MAN2A1: variants seen among roughly 807,000 people sequenced by gnomAD.
The protein encoded by MAN2A1 is alpha-mannosidase 2.
A neutral mutation model predicts 142.6 loss-of-function variants in MAN2A1; 76 were observed. The observed-to-expected ratio is 0.53, with a 90% CI of 0.44 to 0.65. MAN2A1 has a LOEUF of 0.65. Ranked by LOEUF, MAN2A1 falls within the 30% of genes least tolerant of loss-of-function variation. MAN2A1 has a pLI of 0.00. For missense variants in MAN2A1, 1,311 were observed against 1,365.1 expected, an observed-to-expected ratio of 0.96 and a Z score of 0.62; for synonymous variants, 559 against 473.2, an observed-to-expected ratio of 1.18 and a Z score of -2.35.
chr5:109,851,553 G>C (rs1172711279), intron 19 of MAN2A1, among the ~76,000 whole-genome samples: 3 of 152,152 alleles, frequency 2.0e-5, no homozygotes, highest in African/African-American at 7.2e-5. Context: ...AATGCAGCAA[G>C]AAGGCCCTCA....
intron 4 of MAN2A1, among the ~76,000 whole-genome samples, chr5:109,753,327 A>G (rs538949663): frequency 6.6e-6 from 1 of 152,318 alleles, no homozygotes; most frequent in African/African-American, 2.4e-5. Flanking sequence ...GCATAGGTCT[A>G]TTGACAGTAA....
At position 109,867,199 on chromosome 5, in the gene MAN2A1, T is replaced by C. The variant is rs1755909771; in HGVS notation, c.*201T>C. 2.6e-6 allele frequency: 1 copy of C among 378,024 alleles called. No individual in the cohort carries two copies. Among genetic ancestry groups the C allele is most frequent in the Non-Finnish European group, 4.7e-6 (1 of 213,736 alleles). 23.4% of individuals were successfully genotyped at this position (378,024 alleles called of 1,614,324 possible). ...AAAAAGCCATGCTATCAATCAAGAT[T>C]CTTTTTTTTTAAACTTTCTCCCATG... On this transcript the variant is annotated 3_prime_UTR_variant, in exon 22 of 22. Transcript: ENST00000261483.
rs867326835 is a variant in MAN2A1, at chr5:109,764,028, T to C, written c.836-3507T>C. ...GTTGGTCAGGCTGGTCTCGAACTCC[T>C]GACCTCAGGTGATCCACCCACCTCT... On this transcript the variant is annotated intron_variant, in intron 5 of 21. Transcript: ENST00000261483. Among the ~76,000 whole-genome samples the C allele has an allele frequency of 1.2e-4, 18 of 152,260 alleles. No individual in the cohort carries two copies. The South Asian group carries it at 3.7e-3, about 32-fold the overall frequency.
At chr5:109,799,613 G>T (rs1463268393) in intron 12 of MAN2A1, among the ~76,000 whole-genome samples, 2 of 151,894 alleles carry the variant, frequency 1.3e-5, no homozygotes, top group Admixed American at 1.3e-4. Flanking sequence ...AATTAGCTGC[G>T]CATGGTGGCG....
intron 18 of MAN2A1, among the ~76,000 whole-genome samples, 164 bp from the exon 19 acceptor site, chr5:109,847,493 T>C (rs1364402530): frequency 6.6e-6 from 1 of 152,198 alleles, no homozygotes; most frequent in Non-Finnish European, 1.5e-5. Context: ...TTTGAGCTAC[T>C]ATCAAGAGAA....
chr5:109,711,516 C>T (rs1194683894), intron 1 of MAN2A1, among the ~76,000 whole-genome samples: 1 of 152,146 alleles, frequency 6.6e-6, no homozygotes, highest in Non-Finnish European at 1.5e-5. Flanking sequence ...GATCCCCTTT[C>T]GTCTTTTCAT....
At chr5:109,732,731 C>T (rs1168316590) in intron 4 of MAN2A1, among the ~76,000 whole-genome samples, 5 of 152,166 alleles carry the variant, frequency 3.3e-5, no homozygotes, top group East Asian at 3.9e-4. Flanking sequence ...TATCTCTGTT[C>T]TGGTACCAGT....
chr5:109,858,849 A>G (rs1755688429), intron 20 of MAN2A1, among the ~76,000 whole-genome samples: 1 of 152,204 alleles, frequency 6.6e-6, no homozygotes, highest in Non-Finnish European at 1.5e-5. Flanking sequence ...CTCCTGGGAT[A>G]AGGGGTTATA....
intron 1 of MAN2A1, among the ~76,000 whole-genome samples, chr5:109,702,455 G>A (rs902383122): frequency 1.3e-5 from 2 of 151,944 alleles, no homozygotes; most frequent in African/African-American, 4.8e-5. Flanking sequence ...AAGTTTGAAA[G>A]TTGTTCTGAA....
intron 12 of MAN2A1, among the ~76,000 whole-genome samples, chr5:109,792,661 G>C (rs1753764440): frequency 1.3e-5 from 2 of 152,244 alleles, no homozygotes; most frequent in Admixed American, 1.3e-4. Flanking sequence ...CTGCTGGTCA[G>C]TTCTTGCTTG....
chr5:109,751,248 A>G (rs1296827160), intron 4 of MAN2A1, among the ~76,000 whole-genome samples: 2 of 151,600 alleles, frequency 1.3e-5, no homozygotes, highest in Non-Finnish European at 2.9e-5. Flanking sequence ...AGAACATAGG[A>G]TATTTGTCTT....
chr5:109,818,209 C>T (rs1189593656), intron 13 of MAN2A1, among the ~76,000 whole-genome samples: 2 of 152,016 alleles, frequency 1.3e-5, no homozygotes, highest in Non-Finnish European at 2.9e-5. Context: ...GGCGCGATCT[C>T]GGCGCACCGC....
intron 5 of MAN2A1, among the ~76,000 whole-genome samples, chr5:109,766,602 T>C (rs896822372): frequency 6.6e-6 from 1 of 152,150 alleles, no homozygotes; most frequent in African/African-American, 2.4e-5. Context: ...TGACAGCCTC[T>C]GCAAACTAGA....
rs1004147342 is a variant in MAN2A1 at position 109,774,965 on chromosome 5, G to A, written c.1374G>A (p.Lys458=). Residue 458 remains lysine (K), a splice_region_variant and synonymous_variant, in exon 8 of 22, where the codon AAG becomes AAA. Transcript: ENST00000261483. ...YMNSQSKFKV[K]IQFGTLSDFF... Reference sequence around the variant, plus strand: ...ATTCTCAGTCCAAGTTTAAAGTTAAGGTAAGGAGAAAATATTTATGATTCC... The same window carrying A: ...ATTCTCAGTCCAAGTTTAAAGTTAAAGTAAGGAGAAAATATTTATGATTCC... 2 of 1,574,690 alleles carry A rather than the reference G, an allele frequency of 1.3e-6. No homozygotes were observed. Among genetic ancestry groups the A allele is most frequent in the Admixed American group, 1.8e-5 (1 of 55,802 alleles).
chr5:109,691,930 T>C (rs1023607878), intron 1 of MAN2A1, among the ~76,000 whole-genome samples: 5 of 152,230 alleles, frequency 3.3e-5, no homozygotes, highest in Admixed American at 2.6e-4. Flanking sequence ...TAGCTTGATA[T>C]GTTGTGTAAT....
chr5:109,798,724 C>T (rs975538337), intron 12 of MAN2A1, among the ~76,000 whole-genome samples: 2 of 152,104 alleles, frequency 1.3e-5, no homozygotes, highest in Admixed American at 6.6e-5. Flanking sequence ...CTCTGTCGCC[C>T]AGGCTGGAGT....
At chr5:109,734,722 T>A (rs923156767) in intron 4 of MAN2A1, among the ~76,000 whole-genome samples, 55 of 152,346 alleles carry the variant, frequency 3.6e-4, no homozygotes, top group African/African-American at 1.3e-3. Flanking sequence ...TTGATTGCAC[T>A]GTGGTCTGAG....
chr5:109,699,153 A>T (rs1258505661), intron 1 of MAN2A1, among the ~76,000 whole-genome samples: 3 of 151,936 alleles, frequency 2.0e-5, no homozygotes, highest in African/African-American at 7.3e-5. Context: ...GCCTAAAGTG[A>T]CTCCCCACTC....
intron 1 of MAN2A1, among the ~76,000 whole-genome samples, chr5:109,697,659 A>C (rs149340465): frequency 4.9e-4 from 75 of 152,368 alleles, no homozygotes; most frequent in Admixed American, 4.4e-3. Context: ...GGCATAGTTT[A>C]GTAGTTAAGA....
Sources: gnomAD v4.1 joint callset for allele counts (sites outside exome capture counted in the v4.1 genomes callset) on GRCh38, gnomAD v4.1.1 for gene constraint, MANE v1.5 for transcripts, NCBI Gene and HGNC (gene_info 2026-07-23, HGNC 2026-07-21) for gene names.